Variants in RAPGEF4 observed in about 807,000 individuals in gnomAD.
The protein encoded by RAPGEF4 is Rap guanine nucleotide exchange factor 4, also known as RAP guanine-nucleotide-exchange factor (GEF) 4.
A neutral mutation model predicts 147.9 loss-of-function variants in RAPGEF4; 66 were observed. That is an observed-to-expected ratio of 0.45 (90% CI 0.37 to 0.55). The LOEUF (loss-of-function observed/expected upper bound fraction) is 0.55, where lower values mean the gene tolerates loss of function less well. Among genes scored for constraint, RAPGEF4 ranks in the 20% least tolerant of loss-of-function variants. The pLI is 0.00. For synonymous variants in RAPGEF4, 419 were observed against 442.7 expected, an observed-to-expected ratio of 0.95 and a Z score of 0.67; for missense variants, 1,071 against 1,257.3, an observed-to-expected ratio of 0.85 and a Z score of 2.24.
At chr2:172,989,470 A>G (rs576482363) in intron 14 of RAPGEF4, among the ~76,000 whole-genome samples, 3 of 152,290 alleles carry the variant, frequency 2.0e-5, no homozygotes, top group Admixed American at 1.3e-4. Context: ...GGTAGAGGGA[A>G]CTATGCAATT....
intron 29 of RAPGEF4, among the ~76,000 whole-genome samples, chr2:173,044,065 C>G (rs990855448): frequency 6.6e-6 from 1 of 152,116 alleles, no homozygotes; most frequent in African/African-American, 2.4e-5. Flanking sequence ...CTCTGTAGAC[C>G]GAGCAGCGCT....
chr2:172,862,267 A>G (rs1392083340), intron 4 of RAPGEF4, among the ~76,000 whole-genome samples: 1 of 152,202 alleles, frequency 6.6e-6, no homozygotes, highest in African/African-American at 2.4e-5. Flanking sequence ...CAGTAATCTC[A>G]GTGCCTTTTT....
intron 21 of RAPGEF4, among the ~76,000 whole-genome samples, chr2:173,017,824 C>T (rs1013330154): frequency 2.6e-5 from 4 of 152,082 alleles, no homozygotes; most frequent in Admixed American, 2.0e-4. Context: ...AGGTAGCTGG[C>T]GCCTAGTGGG....
At chr2:172,823,395 G>T (rs1689295142) in intron 4 of RAPGEF4, among the ~76,000 whole-genome samples, 1 of 152,212 alleles carries the variant, frequency 6.6e-6, no homozygotes, top group African/African-American at 2.4e-5. Flanking sequence ...AAATGTCTGG[G>T]TTTGTTTTTT....
chr2:172,786,404 C>A (rs1253071187), intron 1 of RAPGEF4, among the ~76,000 whole-genome samples: 1 of 152,122 alleles, frequency 6.6e-6, no homozygotes, highest in Non-Finnish European at 1.5e-5. Context: ...CATCTTTATA[C>A]TTCCAGATTA....
chr2:172,954,392 C>A (rs1229378309), intron 6 of RAPGEF4, among the ~76,000 whole-genome samples: 2 of 152,062 alleles, frequency 1.3e-5, no homozygotes, highest in Admixed American at 6.6e-5. Context: ...TTTTTCTTGG[C>A]CATAAGCGAC....
intron 1 of RAPGEF4, among the ~76,000 whole-genome samples, chr2:172,762,149 T>C (rs1696411493): frequency 6.6e-6 from 1 of 152,192 alleles, no homozygotes; most frequent in Non-Finnish European, 1.5e-5. Context: ...AACATGCTGC[T>C]TTCTTCTATG....
intron 4 of RAPGEF4, chr2:172,821,486 T>C (rs753610312): frequency 6.9e-5 from 52 of 757,616 alleles, no homozygotes; most frequent in Non-Finnish European, 8.2e-5. Flanking sequence ...AAGAAAAATA[T>C]ATCCAAAAAT....
chr2:172,860,596 CGGGG>C, intron 4 of RAPGEF4, among the ~76,000 whole-genome samples: 1 of 132,978 alleles, frequency 7.5e-6, no homozygotes, highest in Non-Finnish European at 1.6e-5. Context: ...TTTTGTTTTA[CGGGG>C]AAGTGAAGGG....
At chr2:172,846,248 G>A (rs1479443233) in intron 4 of RAPGEF4, among the ~76,000 whole-genome samples, 1 of 152,032 alleles carries the variant, frequency 6.6e-6, no homozygotes, top group Admixed American at 6.5e-5. Context: ...AGTTAATCCT[G>A]TTCTACCCTC....
chr2:172,909,336 A>G (rs1699895187), intron 4 of RAPGEF4, among the ~76,000 whole-genome samples: 1 of 152,160 alleles, frequency 6.6e-6, no homozygotes. Context: ...GCACTGATTC[A>G]GTGTTCTACT....
intron 1 of RAPGEF4, among the ~76,000 whole-genome samples, chr2:172,787,490 A>C (rs1192812530): frequency 6.6e-6 from 1 of 152,162 alleles, no homozygotes; most frequent in Non-Finnish European, 1.5e-5. Context: ...AAAACAAAAC[A>C]GGAATACATA....
intron 1 of RAPGEF4, among the ~76,000 whole-genome samples, chr2:172,745,619 G>T (rs1694700315): frequency 6.8e-6 from 1 of 147,640 alleles, no homozygotes; most frequent in Admixed American, 6.7e-5. Flanking sequence ...TTCTTTTTCT[G>T]GCTTCTTAAA....
Position 172,969,239 on chromosome 2 carries a change from A to T in RAPGEF4, c.1004+1795A>T, listed in dbSNP as rs113057167. ...ATTTGTTCATTTATTGAGTACCTAC[A>T]TTGTTCTAGATACTATGTTAGGTGC... On this transcript the variant is annotated intron_variant, in intron 10 of 30. Coordinates refer to ENST00000397081, the MANE Select transcript of RAPGEF4 (RefSeq NM_007023.4). 6.0e-3 allele frequency among the ~76,000 whole-genome samples: 913 copies of T among 152,348 alleles called. 9 individuals carry two copies. The highest frequency in any genetic ancestry group is 0.021 in the African/African-American group (870 of 41,574).
At chr2:172,824,132 A>G (rs1689412176) in intron 4 of RAPGEF4, among the ~76,000 whole-genome samples, 1 of 152,244 alleles carries the variant, frequency 6.6e-6, no homozygotes, top group Non-Finnish European at 1.5e-5. Flanking sequence ...ATCAAAATAT[A>G]TTATTTGGAA....
chr2:172,856,503 A>G lies in RAPGEF4; in HGVS notation c.444+42078A>G, dbSNP rs145535176. ...GTAGTAATTTTGGAATGTACTCTGGACATTGTGAGTGATATATTATAGAGA... is the reference window on the plus strand; with the variant it reads ...GTAGTAATTTTGGAATGTACTCTGGGCATTGTGAGTGATATATTATAGAGA... On this transcript the variant is annotated intron_variant, in intron 4 of 30. Coordinates refer to ENST00000397081, the MANE Select transcript of RAPGEF4 (RefSeq NM_007023.4). 3.3e-5 allele frequency among the ~76,000 whole-genome samples: 5 copies of G among 152,268 alleles called. 1 individual carries two copies. The highest frequency in any genetic ancestry group is 1.2e-4 in the African/African-American group (5 of 41,556).
intron 1 of RAPGEF4, among the ~76,000 whole-genome samples, chr2:172,742,663 C>A (rs541286447): frequency 1.6e-4 from 24 of 152,288 alleles, no homozygotes; most frequent in African/African-American, 3.8e-4. Context: ...CATGGGAGCA[C>A]ATGACATATA....
Position 172,983,487 on chromosome 2 carries a change from T to A in RAPGEF4, c.1005-9T>A. ...TTCCATATTCCTTTTTTTTTTTTTA[T>A]CTTTGTAGACCTGGCCAGAGGACTG... On this transcript the variant is annotated splice_polypyrimidine_tract_variant and intron_variant, in intron 10 of 30. Coordinates refer to ENST00000397081, the MANE Select transcript of RAPGEF4 (RefSeq NM_007023.4). The A allele has an allele frequency of 7.0e-6, 11 of 1,575,848 alleles. No individual in the cohort carries two copies. The highest frequency in any genetic ancestry group is 9.4e-6 in the Non-Finnish European group (11 of 1,168,896).
chr2:173,017,140 G>A (rs1695577654), intron 19 of RAPGEF4, 34 bp from the exon 20 acceptor site: 2 of 1,592,738 alleles, frequency 1.3e-6, no homozygotes, highest in Admixed American at 1.7e-5. Flanking sequence ...AGTAGCAATG[G>A]TATTAAATAA....
Sources: gnomAD v4.1 joint callset for allele counts (sites outside exome capture counted in the v4.1 genomes callset) on GRCh38, gnomAD v4.1.1 for gene constraint, MANE v1.5 for transcripts, NCBI Gene and HGNC (gene_info 2026-07-23, HGNC 2026-07-21) for gene names.